Variants in LRBA observed in about 807,000 individuals in gnomAD.
LRBA encodes the protein LPS responsive beige-like anchor protein.
LRBA carries 176 observed loss-of-function variants against 330.0 expected under a neutral mutation model. That is an observed-to-expected ratio of 0.53 (90% confidence interval 0.47 to 0.60). The LOEUF is 0.60. LRBA is among the 20% of genes least tolerant of loss of function. The pLI is 0.00. For missense variants in LRBA, 3,259 were observed against 3,444.8 expected, an observed-to-expected ratio of 0.95 and a Z score of 1.35; for synonymous variants, 1,230 against 1,193.0, an observed-to-expected ratio of 1.03 and a Z score of -0.64.
chr4:150,689,504 A>G (rs1379142184), intron 36 of LRBA, among the ~76,000 whole-genome samples: 1 of 152,162 alleles, frequency 6.6e-6, no homozygotes, highest in African/African-American at 2.4e-5. Context: ...AGATTTAAAA[A>G]AAAAACAGAA....
intron 34 of LRBA, among the ~76,000 whole-genome samples, chr4:150,771,596 G>C (rs76631296): frequency 0.014 from 2,166 of 152,190 alleles, 56 homozygotes; most frequent in African/African-American, 0.048. Context: ...ACAAAATGCT[G>C]CCCCTTCTAT....
intron 36 of LRBA, among the ~76,000 whole-genome samples, chr4:150,729,710 A>G (rs1031159915): frequency 6.6e-6 from 1 of 152,196 alleles, no homozygotes; most frequent in Non-Finnish European, 1.5e-5. Context: ...AAAAAGAATA[A>G]AACTGGAGGA....
At chr4:150,609,496 C>T (rs918643032) in intron 37 of LRBA, among the ~76,000 whole-genome samples, 2 of 152,134 alleles carry the variant, frequency 1.3e-5, no homozygotes, top group Admixed American at 1.3e-4. Context: ...AAAGCCTATA[C>T]ATATCTGTAC....
At chr4:150,387,760 G>A (rs918839908) in intron 47 of LRBA, among the ~76,000 whole-genome samples, 1 of 152,086 alleles carries the variant, frequency 6.6e-6, no homozygotes, top group Admixed American at 6.6e-5. Context: ...CATAACATTT[G>A]AGCAAAAATT....
At position 150,289,139 on chromosome 4, in the gene LRBA, G is replaced by A. The variant is rs142186548; in HGVS notation, c.8018-3105C>T. 5.8e-4 allele frequency among the ~76,000 whole-genome samples: 88 copies of A among 152,204 alleles called. 1 individual carries two copies. The highest frequency in any genetic ancestry group is 2.0e-3 in the African/African-American group (85 of 41,530). On this transcript the variant is annotated intron_variant, in intron 53 of 56. Transcript: ENST00000651943. ...CAAAGTTAAGAGTTTAGGAAGCCTC[G>A]TGATTAACTCCAGAAGGTGGGTTAA...
At chr4:150,508,616 A>C (rs941742727) in intron 40 of LRBA, among the ~76,000 whole-genome samples, 2 of 152,196 alleles carry the variant, frequency 1.3e-5, no homozygotes, top group African/African-American at 4.8e-5. Context: ...AAAACATTTA[A>C]TTAGGGATAA....
chr4:150,612,350 T>G (rs1467238784), intron 37 of LRBA, among the ~76,000 whole-genome samples: 1 of 152,176 alleles, frequency 6.6e-6, no homozygotes, highest in African/African-American at 2.4e-5. Flanking sequence ...ATAACTGATT[T>G]TAACTAACAT....
chr4:150,900,291 T>A, intron 13 of LRBA, 74 bp from the exon 14 acceptor site: 1 of 1,115,366 alleles, frequency 9.0e-7, no homozygotes, highest in Non-Finnish European at 1.3e-6. Context: ...TTCCAGGCTG[T>A]TTTATTTTCA....
chr4:150,910,291 C>A (rs1731836827), intron 9 of LRBA, among the ~76,000 whole-genome samples: 1 of 152,106 alleles, frequency 6.6e-6, no homozygotes, highest in Non-Finnish European at 1.5e-5. Context: ...AGTTTTACAT[C>A]TTACTTTTAG....
intron 48 of LRBA, among the ~76,000 whole-genome samples, chr4:150,344,906 C>G (rs984873071): frequency 6.6e-6 from 1 of 152,184 alleles, no homozygotes; most frequent in African/African-American, 2.4e-5. Flanking sequence ...CTGTGTCTCT[C>G]TCTCTCTCAT....
chr4:150,321,122 C>G lies in LRBA; in HGVS notation c.7630+69G>C, dbSNP rs922943609. ...TTAAAAGCTTAAATGTTGAGATATGCTATATTTAAGTGGGTATTACACAGT... is the reference window on the plus strand; with the variant it reads ...TTAAAAGCTTAAATGTTGAGATATGGTATATTTAAGTGGGTATTACACAGT... On this transcript the variant is annotated intron_variant, in intron 50 of 56. Coordinates refer to ENST00000651943, the MANE Select transcript of LRBA (RefSeq NM_001364905.1). The surrounding 1 kb of genome is among the most constrained non-coding windows in gnomAD (Gnocchi z 4.5). 5.5e-6 allele frequency: 7 copies of G among 1,277,648 alleles called. 2 individuals carry two copies. In the Middle Eastern group the frequency reaches 9.4e-4, roughly 171 times the overall value. 79.1% of individuals were successfully genotyped at this position (1,277,648 alleles called of 1,614,324 possible). A position where few individuals can be genotyped will look rare whatever the true frequency, so the allele number is the denominator to read the frequency against.
intron 40 of LRBA, among the ~76,000 whole-genome samples, chr4:150,501,186 T>C (rs768389848): frequency 5.3e-5 from 8 of 152,166 alleles, no homozygotes; most frequent in Non-Finnish European, 1.2e-4. Context: ...CCTCACTAGA[T>C]TGGAGTTCAT....
At chr4:150,464,139 A>T (rs1755141677) in intron 44 of LRBA, among the ~76,000 whole-genome samples, 1 of 152,040 alleles carries the variant, frequency 6.6e-6, no homozygotes, top group South Asian at 2.1e-4. Flanking sequence ...GATTTCTAAA[A>T]ACTCATCTAA....
intron 40 of LRBA, among the ~76,000 whole-genome samples, chr4:150,553,169 G>C (rs1353830744): frequency 2.0e-5 from 3 of 152,092 alleles, no homozygotes; most frequent in Admixed American, 2.0e-4. Context: ...CATTTGTAGG[G>C]ACATGGATGA....
intron 40 of LRBA, among the ~76,000 whole-genome samples, chr4:150,512,471 G>C (rs558792998): frequency 6.6e-6 from 1 of 152,200 alleles, no homozygotes; most frequent in South Asian, 2.1e-4. Flanking sequence ...CAAGTACTTA[G>C]AGGAGAGCCC....
In LRBA at chr4:150,849,642, G is replaced by C. The variant is rs968815418; in HGVS notation, c.4005-67C>G. ...AGGAAATCACAGTTTGCCTACTTGA[G>C]GGGAGGAAAGATAAGAAGGTGCTTT... On this transcript the variant is annotated intron_variant, in intron 24 of 56. Transcript: ENST00000651943. 4.6e-6 allele frequency: 6 copies of C among 1,291,828 alleles called. No homozygotes were observed. In the Admixed American group the frequency reaches 1.1e-4, roughly 23 times the overall value. 80.0% of individuals were successfully genotyped at this position (1,291,828 alleles called of 1,614,324 possible). A position where few individuals can be genotyped will look rare whatever the true frequency, so the allele number is the denominator to read the frequency against.
At chr4:150,623,964 C>T (rs1776571573) in intron 37 of LRBA, among the ~76,000 whole-genome samples, 2 of 152,104 alleles carry the variant, frequency 1.3e-5, no homozygotes, top group Admixed American at 1.3e-4. Flanking sequence ...ACTCTATTAA[C>T]TTTAGTATGT....
At chr4:150,272,497 G>T (rs1216635104) in intron 56 of LRBA, among the ~76,000 whole-genome samples, 1 of 152,042 alleles carries the variant, frequency 6.6e-6, no homozygotes, top group East Asian at 1.9e-4. Flanking sequence ...GGCTTCAGAA[G>T]GTGGGTAATA....
At chr4:150,287,602 A>G (rs181674931) in intron 53 of LRBA, among the ~76,000 whole-genome samples, 1,676 of 152,306 alleles carry the variant, frequency 0.011, 25 homozygotes, top group Non-Finnish European at 0.012. Flanking sequence ...AATGTCCTTC[A>G]AGGCTTTGGT....
Sources: gnomAD v4.1 joint callset for allele counts (sites outside exome capture counted in the v4.1 genomes callset) on GRCh38, gnomAD v4.1.1 for gene constraint, Gnocchi (gnomAD v3.1) non-coding constraint, MANE v1.5 for transcripts, NCBI Gene and HGNC (gene_info 2026-07-23, HGNC 2026-07-21) for gene names.